VWF: variants seen among roughly 807,000 people sequenced by gnomAD.
VWF encodes the protein Factor VIII related antigen.
In VWF, 176 loss-of-function variants were observed where a neutral mutation model predicts 308.6. That is an observed-to-expected ratio of 0.57 (90% confidence interval 0.50 to 0.65). The LOEUF (loss-of-function observed/expected upper bound fraction) is 0.65. Among genes scored for constraint, VWF ranks in the 30% least tolerant of loss-of-function variants. The pLI, the probability that VWF is intolerant of heterozygous loss-of-function variation, is 0.00. For missense variants in VWF, 3,146 were observed against 3,648.2 expected (o/e 0.86, Z 3.55); for synonymous variants, 1,385 against 1,443.4 (o/e 0.96, Z 0.92).
intron 6 of VWF, among the ~76,000 whole-genome samples, chr12:6,076,096 GT>G (rs1944840930): frequency 1.3e-5 from 2 of 152,150 alleles, no homozygotes; most frequent in African/African-American, 4.8e-5. Flanking sequence ...CACTCCCCAG[GT>G]GATTGCTGGG....
In VWF at chr12:6,012,049, T is replaced by C. The variant is rs1225615932; in HGVS notation, c.5664+38A>G. On this transcript the variant is annotated intron_variant, in intron 33 of 51. Transcript: ENST00000261405. ...TGGGAACAAGAGCCCCAAACACATC[T>C]CTAACCTTTCTTTCAAAGTCAACAG... The C allele has an allele frequency of 3.1e-6, 5 of 1,611,414 alleles. No homozygotes were observed. The Admixed American group carries it at 8.3e-5, about 27-fold the overall frequency.
chr12:6,054,180 GC>G (rs1347988048), intron 15 of VWF, among the ~76,000 whole-genome samples: 1 of 152,228 alleles, frequency 6.6e-6, no homozygotes, highest in Non-Finnish European at 1.5e-5. Context: ...GGAGTGGGGA[GC>G]CTCTGGAGAG....
rs1180874457 is a variant in VWF at position 5,949,072 on chromosome 12, G to A, written c.8385C>T (p.Tyr2795=). ...ACTCCATGGCATTGAGAACCTCATGGTACACAACAGAGCCATTGGTGCAGT... is the reference window on the plus strand; with the variant it reads ...ACTCCATGGCATTGAGAACCTCATGATACACAACAGAGCCATTGGTGCAGT... The part of the protein sequence containing the change: ...ALHCTNGSVV[Y]HEVLNAMECK... The change falls in exon 52 of 52, where the codon TAC becomes TAT. Residue 2795 remains tyrosine (Y), a synonymous_variant. Transcript: ENST00000261405. 1.2e-6 allele frequency: 2 copies of A among 1,614,042 alleles called. No homozygotes were observed. The highest frequency in any genetic ancestry group is 1.3e-5 in the African/African-American group (1 of 74,940).
chr12:6,043,954 C>T (rs61909723), intron 18 of VWF, among the ~76,000 whole-genome samples: 2,073 of 152,214 alleles, frequency 0.014, 29 homozygotes, highest in Non-Finnish European at 0.023. Flanking sequence ...GAAGGCGGCC[C>T]CTGGGAAAAT....
chr12:6,018,051 A>G (rs1397235128), intron 28 of VWF, among the ~76,000 whole-genome samples: 1 of 128,586 alleles, frequency 7.8e-6, no homozygotes, highest in Non-Finnish European at 1.6e-5. Flanking sequence ...GTGATAAAGT[A>G]AGACTTGCAT....
At position 5,967,614 on chromosome 12, in the gene VWF, G is replaced by A; in HGVS notation, c.7771-12C>T. The A allele has an allele frequency of 6.2e-7, 1 of 1,612,384 alleles. No individual in the cohort carries two copies. Among genetic ancestry groups the A allele is most frequent in the Non-Finnish European group, 8.5e-7 (1 of 1,179,518 alleles). On this transcript the variant is annotated splice_polypyrimidine_tract_variant and intron_variant, in intron 46 of 51. Coordinates refer to ENST00000261405, the MANE Select transcript of VWF (RefSeq NM_000552.5). ...ACAGTCTTCCCGGGCTGGAAGCAGA[G>A]GCACCAGGGTCAGGCCCCCCAGCAT...
chr12:6,075,090 C>T lies in VWF; in HGVS notation c.874+245G>A, dbSNP rs1476883623. 2.3e-5 allele frequency among the ~76,000 whole-genome samples: 3 copies of T among 132,324 alleles called. No individual in the cohort carries two copies. The highest frequency in any genetic ancestry group is 3.2e-5 in the Non-Finnish European group (2 of 63,150). The allele number at this position is 132,324 out of a possible 152,430, so 86.8% of individuals were successfully genotyped here. A position where few individuals can be genotyped will look rare whatever the true frequency, so the allele number is the denominator to read the frequency against. On this transcript the variant is annotated intron_variant, in intron 7 of 51. Transcript: ENST00000261405. The surrounding 1 kb of genome is among the most constrained non-coding windows in gnomAD (Gnocchi z 4.7). Reference sequence around the variant, plus strand: ...GGATTTCCTGAGGGAAGTCAGGGGGCGCCAGGGGAGGCGTGGGGGCGGGAC... The same window carrying T: ...GGATTTCCTGAGGGAAGTCAGGGGGTGCCAGGGGAGGCGTGGGGGCGGGAC...
intron 5 of VWF, among the ~76,000 whole-genome samples, chr12:6,096,941 G>C (rs1945110923): frequency 6.6e-6 from 1 of 152,150 alleles, no homozygotes; most frequent in African/African-American, 2.4e-5. Flanking sequence ...TGAGACCTTG[G>C]AATATAGTCA....
chr12:6,076,807 C>CGGGGCCA (rs766116178), intron 6 of VWF, among the ~76,000 whole-genome samples: 34 of 152,304 alleles, frequency 2.2e-4, no homozygotes, highest in South Asian at 1.7e-3. Flanking sequence ...AATCTACAGT[C>CGGGGCCA]GGGGCCAGGG....
Position 6,075,225 on chromosome 12 carries a change from T to C in VWF, c.874+110A>G. 1.5e-6 allele frequency: 2 copies of C among 1,356,118 alleles called. No homozygotes were observed. Among genetic ancestry groups the C allele is most frequent in the Non-Finnish European group, 2.0e-6 (2 of 975,714 alleles). The allele number at this position is 1,356,118 out of a possible 1,614,324, so 84.0% of individuals were successfully genotyped here. ...GCTTTGTAGTCACTGGCTGGCTGGG[T>C]GTGGTAAAGCCGCACATACGTGACA... is the stretch of plus-strand genomic sequence containing the variant. On this transcript the variant is annotated intron_variant, in intron 7 of 51. Transcript: ENST00000261405. This position sits in a 1 kb window ranked among gnomAD's most constrained non-coding sequence, Gnocchi z 4.7.
chr12:5,998,353 C>T (rs1478944504), intron 34 of VWF, among the ~76,000 whole-genome samples: 3 of 149,462 alleles, frequency 2.0e-5, no homozygotes, highest in Admixed American at 1.3e-4. Context: ...AAAAAATTAG[C>T]CAGGCATGGT....
intron 10 of VWF, 109 bp downstream of exon 10, chr12:6,071,188 G>A: frequency 7.5e-7 from 1 of 1,338,536 alleles, no homozygotes; most frequent in Non-Finnish European, 1.1e-6. Context: ...TGTGCAGAGA[G>A]GGCAACTTCT....
In VWF at chr12:6,019,222, C is replaced by A. The variant is rs1800382; in HGVS notation, c.4196G>T (p.Arg1399Leu). The stretch of plus-strand genomic sequence containing the variant: ...CTTCTTCTTCAGGCCCTGGACGTAG[C>A]GGACAAAGTTCCGGGACATCCGTTG... ...EPQRMSRNFV[R>L]YVQGLKKKKV... The change falls in exon 28 of 52, where the codon CGC becomes CTC. Residue 1399 changes from arginine to leucine, a missense_variant. Arg to Leu is a moderately radical substitution (Grantham distance 102, BLOSUM62 -2). This residue lies in a region of VWF where 853 missense variants were observed against 1,177.8 expected (regional missense o/e 0.72). Transcript: ENST00000261405. The surrounding 1 kb of genome is among the most constrained non-coding windows in gnomAD (Gnocchi z 5.8). 1 of 1,613,892 alleles carries A rather than the reference C, an allele frequency of 6.2e-7. No homozygotes were observed. Among genetic ancestry groups the A allele is most frequent in the Non-Finnish European group, 8.5e-7 (1 of 1,179,860 alleles).
rs1356836169 is a variant in VWF, at chr12:6,092,673, G to GTGTGTGTGTGTA, written c.657+2786_657+2787insTACACACACACA. 3.5e-3 allele frequency among the ~76,000 whole-genome samples: 437 copies of GTGTGTGTGTGTA among 123,578 alleles called. 32 individuals are homozygous for GTGTGTGTGTGTA. The highest frequency in any genetic ancestry group is 5.5e-3 in the African/African-American group (142 of 25,934). 81.1% of individuals were successfully genotyped at this position (123,578 alleles called of 152,430 possible). On this transcript the variant is annotated intron_variant, in intron 6 of 51. Transcript: ENST00000261405. ...TGTGTGTGTGTGTGTGTGTGTGTGT[G>GTGTGTGTGTGTA]CTGACCAGCATTCCTTCCTGGTAAG... is the stretch of plus-strand genomic sequence containing the variant.
chr12:5,955,503 T>A (rs1317178715), intron 47 of VWF, among the ~76,000 whole-genome samples: 1 of 152,192 alleles, frequency 6.6e-6, no homozygotes, highest in Non-Finnish European at 1.5e-5. Context: ...TTACTGAGAA[T>A]GATGATTTCC....
At chr12:6,038,218 C>T (rs1418352272) in intron 18 of VWF, among the ~76,000 whole-genome samples, 2 of 152,208 alleles carry the variant, frequency 1.3e-5, no homozygotes, top group South Asian at 2.1e-4. Context: ...CACATCGCCC[C>T]GTCCAGTGTC....
intron 44 of VWF, 30 bp from the exon 45 acceptor site, chr12:5,969,421 CT>C: frequency 6.2e-7 from 1 of 1,613,842 alleles, no homozygotes; most frequent in Non-Finnish European, 8.5e-7. Flanking sequence ...GTCCAACAAG[CT>C]GGGGCAGGGC....
chr12:6,068,960 G>A (rs11608666), intron 10 of VWF, among the ~76,000 whole-genome samples: 8,362 of 151,318 alleles, frequency 0.055, 372 homozygotes, highest in African/African-American at 0.12. Context: ...AGGCTCAAGC[G>A]ATCCCCCCAT....
intron 6 of VWF, among the ~76,000 whole-genome samples, chr12:6,094,771 G>A (rs1170450295): frequency 6.6e-6 from 1 of 151,926 alleles, no homozygotes; most frequent in Non-Finnish European, 1.5e-5. Flanking sequence ...GGAGTGCAGT[G>A]GCACGATCTC....
Sources: gnomAD v4.1 joint callset for allele counts (sites outside exome capture counted in the v4.1 genomes callset) on GRCh38, gnomAD v4.1.1 for gene constraint, gnomAD v4.1.1 regional missense constraint, Gnocchi (gnomAD v3.1) non-coding constraint, MANE v1.5 for transcripts, NCBI Gene and HGNC (gene_info 2026-07-23, HGNC 2026-07-21) for gene names.